The following ZC4H2 variants were observed in gnomAD, a reference collection of about 807,000 sequenced individuals.
ZC4H2 encodes the protein zinc finger C4H2-type containing.
For missense variants in ZC4H2, 137 were observed against 173.9 expected, an observed-to-expected ratio of 0.79 and a Z score of 1.19; for synonymous variants, 84 against 66.3, an observed-to-expected ratio of 1.27 and a Z score of -1.30.
chrX:64,977,784 G>A (rs1931993047), upstream of ZC4H2, among the ~76,000 whole-genome samples: 3 of 112,260 alleles, frequency 2.7e-5, no homozygotes. Context: ...TTACAGGCAT[G>A]AGCCACTGCG....
chrX:65,034,475 CAAAT>C (rs937391696), intron 1 of ZC4H2, among the ~76,000 whole-genome samples: 1 of 111,850 alleles, frequency 8.9e-6, no homozygotes, highest in African/African-American at 3.3e-5. Context: ...AAATAAAAGA[CAAAT>C]AAAAGGCAGT....
chrX:64,986,840 A>C (rs923014005), intron 1 of ZC4H2, among the ~76,000 whole-genome samples: 5 of 111,122 alleles, frequency 4.5e-5, no homozygotes, highest in Admixed American at 9.5e-5. Context: ...AATGTCAATT[A>C]TCTCCAAATT....
intron 1 of ZC4H2, among the ~76,000 whole-genome samples, chrX:64,927,785 C>T (rs1282867933): frequency 8.9e-6 from 1 of 112,425 alleles, no homozygotes. Flanking sequence ...ACATAATCAG[C>T]ATCTGTTGTT....
intron 1 of ZC4H2, among the ~76,000 whole-genome samples, chrX:64,959,933 C>T (rs1931310401): frequency 9.0e-6 from 1 of 111,052 alleles, no homozygotes; most frequent in Non-Finnish European, 1.9e-5. Flanking sequence ...TGAGAAATAA[C>T]CTTGACTTTC....
At chrX:64,992,464 G>A (rs984416587) in intron 1 of ZC4H2, among the ~76,000 whole-genome samples, 1 of 111,703 alleles carries the variant, frequency 9.0e-6, no homozygotes, top group Middle Eastern at 4.6e-3. Context: ...CCACTGCCTT[G>A]TGGGGTTCAG....
chrX:64,938,472 G>T (rs1930115657), intron 1 of ZC4H2, among the ~76,000 whole-genome samples: 2 of 111,449 alleles, frequency 1.8e-5, no homozygotes, highest in Non-Finnish European at 3.8e-5. Context: ...ACCTGGCAGA[G>T]ACACAACAAA....
chrX:65,007,222 G>A (rs761345640), intron 1 of ZC4H2, among the ~76,000 whole-genome samples: 3 of 111,284 alleles, frequency 2.7e-5, no homozygotes, highest in Non-Finnish European at 5.7e-5. Context: ...TTATTTATTC[G>A]TTTCCTTTAA....
At chrX:64,956,729 A>G (rs1931171938) in intron 1 of ZC4H2, among the ~76,000 whole-genome samples, 1 of 112,195 alleles carries the variant, frequency 8.9e-6, no homozygotes, top group Non-Finnish European at 1.9e-5. Flanking sequence ...ACTAAATATG[A>G]CATAATCAAA....
chrX:65,012,350 T>A (rs1203828302), intron 1 of ZC4H2, among the ~76,000 whole-genome samples: 1 of 110,779 alleles, frequency 9.0e-6, no homozygotes, highest in Non-Finnish European at 1.9e-5. Flanking sequence ...ATAACTCAAG[T>A]ATTCATGCAA....
At chrX:64,975,923 A>G (rs1242188397) in intron 1 of ZC4H2, among the ~76,000 whole-genome samples, 3 of 111,370 alleles carry the variant, frequency 2.7e-5, no homozygotes, top group African/African-American at 9.8e-5. Context: ...CTTGGCTCTC[A>G]AAAGCCTTTC....
chrX:64,994,706 G>T (rs1206423484), intron 1 of ZC4H2, among the ~76,000 whole-genome samples: 1 of 111,374 alleles, frequency 9.0e-6, no homozygotes, highest in Admixed American at 9.6e-5. Context: ...TAAAGCAACA[G>T]AATTTCAACA....
At chrX:64,952,624 C>T (rs1930911729) in intron 1 of ZC4H2, among the ~76,000 whole-genome samples, 2 of 110,809 alleles carry the variant, frequency 1.8e-5, no homozygotes, top group African/African-American at 6.6e-5. Context: ...ATGTGAAGGA[C>T]CTCTTCAAGG....
At chrX:65,018,350 G>A (rs1296946906) in intron 1 of ZC4H2, among the ~76,000 whole-genome samples, 1 of 112,472 alleles carries the variant, frequency 8.9e-6, no homozygotes, top group Non-Finnish European at 1.9e-5. Context: ...CATTGTGACT[G>A]GTTGGACAGT....
At chrX:65,006,050 C>T (rs895859467) in intron 1 of ZC4H2, among the ~76,000 whole-genome samples, 7 of 111,450 alleles carry the variant, frequency 6.3e-5, no homozygotes, top group Admixed American at 9.5e-5. Context: ...ATTAAAAAGT[C>T]AGGAAACAAC....
chrX:64,922,278 AAAAAAGAAAAAG>A (rs1245861921), intron 1 of ZC4H2: 2 of 285,594 alleles, frequency 7.0e-6, no homozygotes, highest in Admixed American at 6.7e-5. Context: ...AAAAAGAAAA[AAAAAAGAAAAAG>A]AAAAAGAAAA....
At chrX:64,956,790 T>C (rs777036360) in intron 1 of ZC4H2, among the ~76,000 whole-genome samples, 1 of 111,865 alleles carries the variant, frequency 8.9e-6, no homozygotes, top group Middle Eastern at 4.2e-3. Flanking sequence ...GATTTTGTTT[T>C]TCTCCTGCAA....
chrX:64,917,816 G>A lies in ZC4H2; in HGVS notation c.642C>T (p.Asn214=). 8.3e-7 allele frequency: 1 copy of A among 1,211,134 alleles called. No individual in the cohort carries two copies. Among genetic ancestry groups the A allele is most frequent in the Non-Finnish European group, 1.1e-6 (1 of 895,334 alleles). ...PLCKAKSRSR[N]PKKPKRKQDE is the part of the protein sequence containing the mutation. ...CCTGCTTCCGTTTCGGCTTTTTGGG[G>A]TTCCGGGACCGACTCTTGGCCTTGC... The change falls in exon 5 of 5, where the codon AAC becomes AAT. Residue 214 remains asparagine, a synonymous_variant. Transcript: ENST00000374839.
intron 1 of ZC4H2, among the ~76,000 whole-genome samples, chrX:65,031,534 A>T (rs980495051): frequency 2.7e-5 from 3 of 111,912 alleles, no homozygotes; most frequent in Non-Finnish European, 5.6e-5. Flanking sequence ...GAATAAGGAA[A>T]AAAAAAAGAA....
chrX:64,944,648 T>C (rs779164332), intron 1 of ZC4H2, among the ~76,000 whole-genome samples: 16 of 111,776 alleles, frequency 1.4e-4, no homozygotes, highest in African/African-American at 5.2e-4. Context: ...GGGGAAGTTC[T>C]TCTGGATAAT....
Sources: allele counts gnomAD v4.1 joint callset (sites outside exome capture counted in the v4.1 genomes callset), GRCh38; gene constraint gnomAD v4.1.1; transcripts MANE v1.5; gene names NCBI Gene and HGNC (gene_info 2026-07-23, HGNC 2026-07-21).